CLASP1: variants seen among roughly 807,000 people sequenced by gnomAD.
CLASP1 encodes cytoplasmic linker associated protein 1.
In CLASP1, 38 loss-of-function variants were observed where a neutral mutation model predicts 192.3. The ratio of observed to expected loss-of-function variants is 0.20; its 90% CI spans 0.15 to 0.26. CLASP1 has a LOEUF of 0.26. CLASP1 is among the 10% of genes least tolerant of loss of function. The probability of loss-of-function intolerance (pLI) is 1.00; values close to 1 mark genes in which losing one functional copy is unlikely to be tolerated. For synonymous variants in CLASP1, 691 were observed against 712.8 expected, an observed-to-expected ratio of 0.97 and a Z score of 0.49; for missense variants, 1,433 against 1,932.5, an observed-to-expected ratio of 0.74 and a Z score of 4.85.
chr2:121,449,277 C>T (rs1419403534), intron 16 of CLASP1, among the ~76,000 whole-genome samples, 157 bp from the exon 17 acceptor site: 1 of 152,172 alleles, frequency 6.6e-6, no homozygotes, highest in Non-Finnish European at 1.5e-5. Context: ...AGACCTGGTA[C>T]GAATCCTGGC....
intron 6 of CLASP1, among the ~76,000 whole-genome samples, chr2:121,525,515 C>T (rs1468257378): frequency 6.6e-6 from 1 of 152,140 alleles, no homozygotes; most frequent in Non-Finnish European, 1.5e-5. Flanking sequence ...CCGGCACCAC[C>T]CCTTTTGGCT....
chr2:121,530,396 G>C (rs1387197968), intron 2 of CLASP1, 71 bp from the exon 3 acceptor site: 1 of 1,266,484 alleles, frequency 7.9e-7, no homozygotes, highest in Non-Finnish European at 1.1e-6. Context: ...ACCCGCTCCG[G>C]GGAGGCCTAG....
intron 2 of CLASP1, among the ~76,000 whole-genome samples, chr2:121,587,943 C>T (rs1441074014): frequency 1.3e-5 from 2 of 151,890 alleles, no homozygotes; most frequent in Admixed American, 6.6e-5. Flanking sequence ...GAGGCTGAGG[C>T]GGGTGCATCA....
intron 24 of CLASP1, among the ~76,000 whole-genome samples, chr2:121,408,035 G>A (rs76782907): frequency 0.033 from 5,070 of 152,234 alleles, 114 homozygotes; most frequent in Middle Eastern, 0.061. Flanking sequence ...AGCCTCCTAG[G>A]CCTTTTGCTT....
intron 2 of CLASP1, among the ~76,000 whole-genome samples, chr2:121,593,856 C>T (rs1233797135): frequency 1.3e-5 from 2 of 150,692 alleles, no homozygotes; most frequent in African/African-American, 4.9e-5. Context: ...ACTAAAAATA[C>T]AAAATTAGCC....
At chr2:121,629,926 C>T (rs576359016) in intron 1 of CLASP1, among the ~76,000 whole-genome samples, 61 of 152,008 alleles carry the variant, frequency 4.0e-4, no homozygotes, top group African/African-American at 1.4e-3. Flanking sequence ...ACTATGTTTT[C>T]CCTTTTTTTA....
intron 39 of CLASP1, among the ~76,000 whole-genome samples, chr2:121,343,943 C>A (rs555774601): frequency 6.6e-6 from 1 of 151,990 alleles, no homozygotes; most frequent in Non-Finnish European, 1.5e-5. Context: ...TGGTGGCAGG[C>A]GCCTATAATC....
At chr2:121,422,698 T>C (rs2149585589) in intron 22 of CLASP1, among the ~76,000 whole-genome samples, 1 of 152,190 alleles carries the variant, frequency 6.6e-6, no homozygotes. Flanking sequence ...CTTAAGAAAA[T>C]CTAAATGCCA....
At chr2:121,472,116 A>T (rs1234353057) in intron 8 of CLASP1, among the ~76,000 whole-genome samples, 1 of 152,198 alleles carries the variant, frequency 6.6e-6, no homozygotes, top group African/African-American at 2.4e-5. Context: ...CAGGTAAAAA[A>T]TAAATGGGAG....
intron 6 of CLASP1, among the ~76,000 whole-genome samples, chr2:121,516,018 T>C (rs2094282282): frequency 6.6e-6 from 1 of 152,250 alleles, no homozygotes; most frequent in East Asian, 1.9e-4. Context: ...CTTAGTTCTT[T>C]CCGTTCTTTA....
intron 22 of CLASP1, 109 bp from the exon 23 acceptor site, chr2:121,418,838 C>A (rs559762992): frequency 1.3e-6 from 1 of 775,742 alleles, no homozygotes; most frequent in Non-Finnish European, 2.2e-6. Flanking sequence ...ACATTGTTCG[C>A]GCTGGGGAGT....
intron 38 of CLASP1, among the ~76,000 whole-genome samples, chr2:121,347,883 C>G (rs1410389467): frequency 6.6e-6 from 1 of 152,200 alleles, no homozygotes; most frequent in African/African-American, 2.4e-5. Context: ...TACCTTTCCC[C>G]AGTGAAACTC....
At chr2:121,437,694 A>C (rs1559189458) in intron 19 of CLASP1, among the ~76,000 whole-genome samples, 1 of 152,232 alleles carries the variant, frequency 6.6e-6, no homozygotes, top group Non-Finnish European at 1.5e-5. Context: ...TCAGTTTAGT[A>C]AAGTTAACTT....
At chr2:121,544,030 G>A (rs892243164) in intron 2 of CLASP1, among the ~76,000 whole-genome samples, 1 of 152,124 alleles carries the variant, frequency 6.6e-6, no homozygotes, top group African/African-American at 2.4e-5. Flanking sequence ...AGGTCACTCC[G>A]CGATTATGTG....
chr2:121,582,897 T>C (rs1262359385), intron 2 of CLASP1, among the ~76,000 whole-genome samples: 2 of 151,922 alleles, frequency 1.3e-5, no homozygotes, highest in Non-Finnish European at 2.9e-5. Context: ...GCAATGCTCT[T>C]GCCTCAGCTT....
intron 23 of CLASP1, among the ~76,000 whole-genome samples, chr2:121,415,444 T>C (rs1322004142): frequency 6.6e-6 from 1 of 152,228 alleles, no homozygotes; most frequent in Non-Finnish European, 1.5e-5. Flanking sequence ...TCTGACATTA[T>C]AGTACCATTT....
At chr2:121,441,973 T>G (rs980718614) in intron 19 of CLASP1, among the ~76,000 whole-genome samples, 2 of 152,200 alleles carry the variant, frequency 1.3e-5, no homozygotes, top group Non-Finnish European at 2.9e-5. Flanking sequence ...TATCGTGTAA[T>G]CTTAATTAAA....
Position 121,354,900 on chromosome 2 carries a change from G to A in CLASP1, c.4207-6182C>T, listed in dbSNP as rs79277678. On this transcript the variant is annotated intron_variant, in intron 37 of 39. Coordinates refer to ENST00000263710, the Ensembl canonical transcript of CLASP1. Reference sequence around the variant, plus strand: ...TCCTGGTGCTCTTCGGGGTTGCAACGAGGATTAGTGAGGCCAGGTAACTGA... The same window carrying A: ...TCCTGGTGCTCTTCGGGGTTGCAACAAGGATTAGTGAGGCCAGGTAACTGA... Among the ~76,000 whole-genome samples, 983 of 152,248 alleles carry A rather than the reference G, an allele frequency of 6.5e-3. 15 individuals are homozygous for A. Among genetic ancestry groups the A allele is most frequent in the African/African-American group, 0.023 (937 of 41,550 alleles).
intron 2 of CLASP1, among the ~76,000 whole-genome samples, chr2:121,571,957 A>G (rs1216890145): frequency 6.6e-6 from 1 of 151,844 alleles, no homozygotes; most frequent in East Asian, 1.9e-4. Flanking sequence ...TAAAAGATGT[A>G]GTACTGATTA....
Sources: allele counts gnomAD v4.1 joint callset (sites outside exome capture counted in the v4.1 genomes callset), GRCh38; gene constraint gnomAD v4.1.1; transcripts MANE v1.5; gene names NCBI Gene and HGNC (gene_info 2026-07-23, HGNC 2026-07-21).